The following MRPS9 variants were observed in gnomAD, a reference collection of about 807,000 sequenced individuals.
The protein encoded by MRPS9 is mitochondrial ribosomal protein S9.
Under a neutral mutation model 59.9 loss-of-function variants are expected in MRPS9, and 45 were observed. That is an observed-to-expected ratio of 0.75 (90% CI 0.59 to 0.96). The LOEUF (loss-of-function observed/expected upper bound fraction) is 0.96. MRPS9 is among the 40% of genes least tolerant of loss of function. The pLI, the probability that MRPS9 is intolerant of heterozygous loss-of-function variation, is 0.00. For synonymous variants in MRPS9, 171 were observed against 166.8 expected (o/e 1.03, Z -0.19); for missense variants, 473 against 481.1 (o/e 0.98, Z 0.16).
intron 2 of MRPS9, among the ~76,000 whole-genome samples, chr2:105,052,906 T>G (rs1357388267): frequency 6.6e-6 from 1 of 152,200 alleles, no homozygotes; most frequent in Non-Finnish European, 1.5e-5. Flanking sequence ...GAGCAACTCT[T>G]AACTACCTTT....
intron 2 of MRPS9, among the ~76,000 whole-genome samples, chr2:105,064,157 G>T (rs1178402882): frequency 6.6e-6 from 1 of 152,190 alleles, no homozygotes; most frequent in Non-Finnish European, 1.5e-5. Flanking sequence ...TGAGGAAGCA[G>T]CACTTAAGGG....
intron 9 of MRPS9, among the ~76,000 whole-genome samples, chr2:105,095,785 C>G (rs1037930198): frequency 6.6e-6 from 1 of 151,932 alleles, no homozygotes; most frequent in African/African-American, 2.4e-5. Context: ...GCATGAGCCA[C>G]TGCGCCCAGC....
At chr2:105,046,262 G>A (rs545914020) in intron 1 of MRPS9, among the ~76,000 whole-genome samples, 34 of 131,064 alleles carry the variant, frequency 2.6e-4, no homozygotes, top group Non-Finnish European at 4.7e-4. Context: ...TAAACCTACC[G>A]CCTTTTGCTC....
rs535260601 is a variant in MRPS9 at position 105,066,559 on chromosome 2, C to T, written c.316-4754C>T. Among the ~76,000 whole-genome samples, 20 of 152,264 alleles carry T rather than the reference C, an allele frequency of 1.3e-4. 1 individual carries two copies. In the South Asian group the frequency reaches 3.9e-3, roughly 30 times the overall value. On this transcript the variant is annotated intron_variant, in intron 2 of 10. Transcript: ENST00000258455. The stretch of plus-strand genomic sequence containing the variant: ...GTTGGAATTCTTCAATTTTCATTTC[C>T]GTCTAGGATTCTATTCATTGGTCAC...
At chr2:105,058,598 C>T (rs1679835372) in intron 2 of MRPS9, among the ~76,000 whole-genome samples, 1 of 151,628 alleles carries the variant, frequency 6.6e-6, no homozygotes, top group African/African-American at 2.4e-5. Context: ...TGCATTCTTA[C>T]TTTTTCTTTC....
chr2:105,067,089 C>T (rs1680014853), intron 2 of MRPS9, among the ~76,000 whole-genome samples: 1 of 152,150 alleles, frequency 6.6e-6, no homozygotes, highest in South Asian at 2.1e-4. Context: ...ACATTATAAA[C>T]TTAACCCCCA....
Position 105,092,425 on chromosome 2 carries a change from G to A in MRPS9, c.676G>A (p.Glu226Lys). ...LDYMQFIRLL[E>K]KLLTSQCGAA... is the part of the protein sequence containing the mutation. The stretch of plus-strand genomic sequence containing the variant: ...GTATATGCAGTTCATTCGGCTGCTA[G>A]AAAAGTTATTGACATCGCAGTGTGG... The change falls in exon 8 of 11, where the codon GAA (glutamate) becomes AAA (lysine). Residue 226 changes from glutamate (E) to lysine (K), a missense_variant. By Grantham distance (56) the Glu-to-Lys change is moderately conservative. Coordinates refer to ENST00000258455, the MANE Select transcript of MRPS9 (RefSeq NM_182640.3). 1.2e-6 allele frequency: 2 copies of A among 1,612,344 alleles called. No individual in the cohort carries two copies. The highest frequency in any genetic ancestry group is 1.7e-6 in the Non-Finnish European group (2 of 1,179,592).
At chr2:105,082,110 C>G (rs757109543) in intron 5 of MRPS9, among the ~76,000 whole-genome samples, 2 of 152,140 alleles carry the variant, frequency 1.3e-5, no homozygotes, top group Non-Finnish European at 2.9e-5. Flanking sequence ...TGGGGGGAAC[C>G]GTCCCCTTCC....
intron 4 of MRPS9, among the ~76,000 whole-genome samples, chr2:105,075,779 A>C (rs1680199045): frequency 6.6e-6 from 1 of 152,222 alleles, no homozygotes; most frequent in Non-Finnish European, 1.5e-5. Flanking sequence ...ATTTCAATAA[A>C]AAAGTTAATT....
intron 5 of MRPS9, among the ~76,000 whole-genome samples, chr2:105,087,320 A>T (rs775401468): frequency 5.3e-5 from 8 of 152,174 alleles, no homozygotes; most frequent in Non-Finnish European, 1.2e-4. Flanking sequence ...TATGAATACT[A>T]GGATGAAATT....
At chr2:105,077,592 G>T (rs1680238994) in intron 4 of MRPS9, among the ~76,000 whole-genome samples, 1 of 152,196 alleles carries the variant, frequency 6.6e-6, no homozygotes, top group Admixed American at 6.5e-5. Flanking sequence ...TAAATGCACA[G>T]AGAGTCCAGA....
At chr2:105,070,799 GC>G (rs1218834879) in intron 2 of MRPS9, among the ~76,000 whole-genome samples, 2 of 152,212 alleles carry the variant, frequency 1.3e-5, no homozygotes, top group African/African-American at 4.8e-5. Context: ...CACCCACAAT[GC>G]CAGTAGCATC....
At chr2:105,083,080 G>A (rs10188134) in intron 5 of MRPS9, among the ~76,000 whole-genome samples, 62,318 of 151,862 alleles carry the variant, frequency 0.41, 12,817 homozygotes, top group East Asian at 0.45. Context: ...TTCCTTAATA[G>A]CCATTTAACC....
At chr2:105,070,228 C>T (rs1680088998) in intron 2 of MRPS9, among the ~76,000 whole-genome samples, 1 of 152,096 alleles carries the variant, frequency 6.6e-6, no homozygotes, top group African/African-American at 2.4e-5. Context: ...CATCAGCCTC[C>T]CACAGTACTG....
At chr2:105,093,934 A>T (rs145016019) in intron 9 of MRPS9, among the ~76,000 whole-genome samples, 47 of 152,346 alleles carry the variant, frequency 3.1e-4, no homozygotes, top group African/African-American at 1.1e-3. Flanking sequence ...AGACTGTGCC[A>T]AAATGTAAAA....
At chr2:105,062,326 G>T (rs1049560622) in intron 2 of MRPS9, among the ~76,000 whole-genome samples, 1 of 152,140 alleles carries the variant, frequency 6.6e-6, no homozygotes, top group African/African-American at 2.4e-5. Flanking sequence ...AGTAGCAGAG[G>T]GCCTCTGTAG....
intron 4 of MRPS9, among the ~76,000 whole-genome samples, chr2:105,077,244 C>CAAAAAA (rs56216293): frequency 7.6e-4 from 88 of 115,492 alleles, no homozygotes; most frequent in African/African-American, 2.8e-3. Flanking sequence ...GACTCCATCT[C>CAAAAAA]AAAAAAAAAA....
intron 4 of MRPS9, among the ~76,000 whole-genome samples, chr2:105,075,150 T>C (rs1680184903): frequency 6.6e-6 from 1 of 152,094 alleles, no homozygotes; most frequent in Non-Finnish European, 1.5e-5. Context: ...CACGCTCCTA[T>C]GAGAATCTAA....
chr2:105,061,359 C>T (rs1490644141), intron 2 of MRPS9, among the ~76,000 whole-genome samples: 1 of 152,048 alleles, frequency 6.6e-6, no homozygotes, highest in Admixed American at 6.5e-5. Context: ...GGAAGGCAAT[C>T]TGAGAGGAAG....
Sources: gnomAD v4.1 joint callset for allele counts (sites outside exome capture counted in the v4.1 genomes callset) on GRCh38, gnomAD v4.1.1 for gene constraint, MANE v1.5 for transcripts, NCBI Gene and HGNC (gene_info 2026-07-23, HGNC 2026-07-21) for gene names.